The following ARAP3 variants were observed in gnomAD, a reference collection of about 807,000 sequenced individuals.
The protein encoded by ARAP3 is ArfGAP with RhoGAP domain, ankyrin repeat and PH domain 3, also known as arf-GAP with Rho-GAP domain, ANK repeat and PH domain-containing protein 3.
In ARAP3, 82 loss-of-function variants were observed where a neutral mutation model predicts 169.2. The ratio of observed to expected loss-of-function variants is 0.48; its 90% confidence interval spans 0.41 to 0.58. The LOEUF (loss-of-function observed/expected upper bound fraction) is 0.58, where lower values mean the gene tolerates loss of function less well. ARAP3 is among the 20% of genes least tolerant of loss of function. The pLI is 0.00. For missense variants in ARAP3, 1,764 were observed against 2,018.0 expected, an observed-to-expected ratio of 0.87 and a Z score of 2.41; for synonymous variants, 791 against 800.3, an observed-to-expected ratio of 0.99 and a Z score of 0.20.
At chr5:141,659,702 T>C (rs1331514060) in intron 22 of ARAP3, 77 bp downstream of exon 22, 1 of 1,548,874 alleles carries the variant, frequency 6.5e-7, no homozygotes, top group Non-Finnish European at 8.7e-7. Context: ...CTTGTTGGGG[T>C]GATCAGGATC....
intron 1 of ARAP3, 108 bp from the exon 2 acceptor site, chr5:141,680,611 G>T: frequency 5.0e-6 from 7 of 1,412,474 alleles, no homozygotes; most frequent in Non-Finnish European, 5.6e-6. Context: ...TTCCTCCAAA[G>T]AAAGATGCTG....
Position 141,673,136 on chromosome 5 carries a change from G to GGA in ARAP3, c.973-5_973-4dup, listed in dbSNP as rs760397596. ...ATCACACCCTTAGGGAAGGGGTCCT[G>GGA]GAGAGAGAGAGCTCAATGACCCATG... On this transcript the variant is annotated splice_polypyrimidine_tract_variant and splice_region_variant and intron_variant, in intron 6 of 32. Coordinates refer to ENST00000239440, the MANE Select transcript of ARAP3 (RefSeq NM_022481.6). 1.9e-6 allele frequency: 3 copies of GGA among 1,614,104 alleles called. No individual in the cohort carries two copies. Among genetic ancestry groups the GGA allele is most frequent in the East Asian group, 2.2e-5 (1 of 44,886 alleles).
chr5:141,678,094 C>T (rs1596498217), intron 4 of ARAP3, among the ~76,000 whole-genome samples: 2 of 152,196 alleles, frequency 1.3e-5, no homozygotes, highest in Middle Eastern at 6.8e-3. Flanking sequence ...CTACAGGCGC[C>T]CACCACCACG....
At chr5:141,670,673 G>C in intron 13 of ARAP3, 45 bp from the exon 14 acceptor site, 2 of 1,539,426 alleles carry the variant, frequency 1.3e-6, no homozygotes, top group Non-Finnish European at 1.8e-6. Flanking sequence ...AGTGCAACGG[G>C]ATAACCTGAC....
At chr5:141,654,753 T>G (rs1037365334) in intron 32 of ARAP3, among the ~76,000 whole-genome samples, 4 of 151,960 alleles carry the variant, frequency 2.6e-5, no homozygotes, top group Non-Finnish European at 1.5e-5. Context: ...TTTTTTTTTT[T>G]TTTGAGACAG....
intron 14 of ARAP3, 125 bp from the exon 15 acceptor site, chr5:141,670,188 A>G: frequency 2.3e-6 from 3 of 1,319,512 alleles, no homozygotes; most frequent in South Asian, 1.5e-5. Flanking sequence ...AATCTTCACA[A>G]TAACCCTATG....
chr5:141,669,183 C>T (rs542983403), intron 16 of ARAP3, among the ~76,000 whole-genome samples: 1 of 152,074 alleles, frequency 6.6e-6, no homozygotes, highest in Non-Finnish European at 1.5e-5. Flanking sequence ...GACTCAAATC[C>T]CAGGATGTCT....
chr5:141,671,157 C>T lies in ARAP3; in HGVS notation c.1990+108G>A. ...GGATCTGAGGGTTTGGGAAACTGCC[C>T]AGGCTGGGCCATTGTGATCAGCTAA... On this transcript the variant is annotated intron_variant, in intron 13 of 32. Coordinates refer to ENST00000239440, the MANE Select transcript of ARAP3 (RefSeq NM_022481.6). The surrounding 1 kb of genome is among the most constrained non-coding windows in gnomAD (Gnocchi z 4.9). 1 of 1,434,892 alleles carries T rather than the reference C, an allele frequency of 7.0e-7. No individual in the cohort carries two copies. Among genetic ancestry groups the T allele is most frequent in the Non-Finnish European group, 9.4e-7 (1 of 1,059,002 alleles). The allele number at this position is 1,434,892 out of a possible 1,614,324, so 88.9% of individuals were successfully genotyped here. A position where few individuals can be genotyped will look rare whatever the true frequency, so the allele number is the denominator to read the frequency against.
chr5:141,659,863 G>A lies in ARAP3; in HGVS notation c.3183C>T (p.Pro1061=). The part of the protein sequence containing the change: ...CTRNLALLFA[P]SVFQTDGRGE... Reference sequence around the variant, plus strand: ...CTCGCCCATCCGTCTGGAACACGCTGGGTGCAAACAGCAGAGCCAAGTTCC... The same window carrying A: ...CTCGCCCATCCGTCTGGAACACGCTAGGTGCAAACAGCAGAGCCAAGTTCC... The change falls in exon 22 of 33, where the codon CCC becomes CCT. Residue 1061 remains proline, a synonymous_variant. Transcript: ENST00000239440. 1 of 1,601,308 alleles carries A rather than the reference G, an allele frequency of 6.2e-7. No homozygotes were observed. Among genetic ancestry groups the A allele is most frequent in the Non-Finnish European group, 8.5e-7 (1 of 1,174,676 alleles).
intron 4 of ARAP3, among the ~76,000 whole-genome samples, chr5:141,678,882 T>C (rs1237548087): frequency 1.3e-5 from 2 of 152,242 alleles, no homozygotes. Flanking sequence ...TTATTGTTAA[T>C]AGACTATCTC....
At chr5:141,657,460 G>C (rs1292388666) in intron 25 of ARAP3, among the ~76,000 whole-genome samples, 1 of 152,230 alleles carries the variant, frequency 6.6e-6, no homozygotes, top group Non-Finnish European at 1.5e-5. Context: ...CCACTGAAGG[G>C]TTTTAACCAT....
intron 32 of ARAP3, 27 bp from the exon 33 acceptor site, chr5:141,654,462 G>A (rs780817923): frequency 6.5e-7 from 1 of 1,533,022 alleles, no homozygotes; most frequent in Non-Finnish European, 8.7e-7. Context: ...TGGCAGGAGT[G>A]GGCACATAGT....
chr5:141,672,008 T>G lies in ARAP3; in HGVS notation c.1586-28A>C. Reference sequence around the variant, plus strand: ...GTGAGGGTGTGAGGGTGTGTGAGGGTGTGTGAGGGTGTGAGGGGCATGTGG... The same window carrying G: ...GTGAGGGTGTGAGGGTGTGTGAGGGGGTGTGAGGGTGTGAGGGGCATGTGG... On this transcript the variant is annotated intron_variant, in intron 10 of 32. Transcript: ENST00000239440. This position sits in a 1 kb window ranked among gnomAD's most constrained non-coding sequence, Gnocchi z 4.9. The G allele has an allele frequency of 6.2e-7, 1 of 1,613,664 alleles. No homozygotes were observed. The highest frequency in any genetic ancestry group is 8.5e-7 in the Non-Finnish European group (1 of 1,179,730).
In ARAP3 at chr5:141,672,465, T is replaced by C. The variant is rs560809512; in HGVS notation, c.1385+87A>G. The C allele has an allele frequency of 2.0e-6, 3 of 1,515,174 alleles. No homozygotes were observed. The East Asian group carries it at 7.1e-5, about 36-fold the overall frequency. The allele number at this position is 1,515,174 out of a possible 1,614,324, so 93.9% of individuals were successfully genotyped here. On this transcript the variant is annotated intron_variant, in intron 9 of 32. Transcript: ENST00000239440. This position sits in a 1 kb window ranked among gnomAD's most constrained non-coding sequence, Gnocchi z 4.9. Reference sequence around the variant, plus strand: ...TACCATCTGTGCATACCCTCTGACGTCCTACTAAAGAGGCCTCTAGTCCTC... The same window carrying C: ...TACCATCTGTGCATACCCTCTGACGCCCTACTAAAGAGGCCTCTAGTCCTC...
intron 20 of ARAP3, 115 bp from the exon 21 acceptor site, chr5:141,661,904 C>A: frequency 1.3e-6 from 2 of 1,483,590 alleles, no homozygotes; most frequent in African/African-American, 1.4e-5. Context: ...TGCCCCCTTC[C>A]CACCTCCCCC....
chr5:141,668,880 G>A (rs918259841), intron 16 of ARAP3, among the ~76,000 whole-genome samples: 1 of 152,210 alleles, frequency 6.6e-6, no homozygotes, highest in African/African-American at 2.4e-5. Context: ...GCTGCAAGGG[G>A]TCAAAGGGGA....
Position 141,680,221 on chromosome 5 carries a change from G to A in ARAP3, c.266C>T (p.Ala89Val), listed in dbSNP as rs757656810. The A allele has an allele frequency of 1.2e-4, 191 of 1,613,472 alleles. No individual in the cohort carries two copies. The highest frequency in any genetic ancestry group is 1.5e-4 in the Non-Finnish European group (181 of 1,179,718). The change falls in exon 2 of 33, where the codon GCC becomes GTC. Residue 89 changes from alanine (A) to valine (V), a missense_variant. Ala to Val is a moderately conservative substitution (Grantham distance 64). Transcript: ENST00000239440. ...CTTCGGCACGGGCTTAGGGGGCTGG[G>A]CTTGCGGGGCTGGGCTGGGGGATGG... The part of the protein sequence containing the change: ...MEPSPSPAPQ[A>V]QPPKPVPKPR...
chr5:141,655,543 C>T, intron 31 of ARAP3, 78 bp downstream of exon 31: 1 of 1,603,716 alleles, frequency 6.2e-7, no homozygotes, highest in Admixed American at 1.7e-5. Context: ...ACCAGGCTAG[C>T]AGGCACACCA....
At chr5:141,660,864 G>C (rs2099909863) in intron 21 of ARAP3, among the ~76,000 whole-genome samples, 1 of 152,056 alleles carries the variant, frequency 6.6e-6, no homozygotes, top group Admixed American at 6.5e-5. Flanking sequence ...TAACAGATTG[G>C]TAAAGGTAGA....
Sources: gnomAD v4.1 joint callset for allele counts (sites outside exome capture counted in the v4.1 genomes callset) on GRCh38, gnomAD v4.1.1 for gene constraint, Gnocchi (gnomAD v3.1) non-coding constraint, MANE v1.5 for transcripts, NCBI Gene and HGNC (gene_info 2026-07-23, HGNC 2026-07-21) for gene names.